The following ARVCF variants were observed in gnomAD, a reference collection of about 807,000 sequenced individuals.
ARVCF encodes ARVCF delta catenin family member.
Under a neutral mutation model 90.9 loss-of-function variants are expected in ARVCF, and 66 were observed. The observed-to-expected ratio is 0.73, with a 90% CI of 0.60 to 0.89. ARVCF has a LOEUF of 0.89. Ranked by LOEUF, ARVCF falls within the 40% of genes least tolerant of loss-of-function variation. The pLI, the probability that ARVCF is intolerant of heterozygous loss-of-function variation, is 0.00. For synonymous variants in ARVCF, 653 were observed against 603.4 expected (o/e 1.08, Z -1.21); for missense variants, 1,469 against 1,382.3 (o/e 1.06, Z -1.00).
downstream of ARVCF, chr22:19,969,096 A>C: frequency 4.2e-6 from 1 of 237,856 alleles, no homozygotes; most frequent in Non-Finnish European, 8.5e-6. Context: ...CCAAACATTC[A>C]AAGCTCCCCT....
intron 2 of ARVCF, among the ~76,000 whole-genome samples, chr22:19,995,749 C>T (rs746419753): frequency 3.9e-5 from 6 of 152,114 alleles, no homozygotes; most frequent in Non-Finnish European, 8.8e-5. Context: ...TGACCCCTTG[C>T]CAGCTGTCTA....
rs1486250639 is a variant in ARVCF at position 19,969,926 on chromosome 22, T to G, written c.*830A>C. The G allele has an allele frequency of 1.0e-6, 1 of 985,424 alleles. No individual in the cohort carries two copies. Among genetic ancestry groups the G allele is most frequent in the African/African-American group, 1.7e-5 (1 of 57,258 alleles). The allele number at this position is 985,424 out of a possible 1,614,324, so 61.0% of individuals were successfully genotyped here. ...TTGCTGCTTTAATTTTTAAATTTTC[T>G]TACAAAAATTTAGGTGTTTACCAAT... is the stretch of plus-strand genomic sequence containing the variant. On this transcript the variant is annotated 3_prime_UTR_variant, in exon 20 of 20. Transcript: ENST00000263207.
rs369808984 is a variant in ARVCF, at chr22:19,978,709, C to A, written c.1580+188G>T. Among the ~76,000 whole-genome samples, 7 of 152,210 alleles carry A rather than the reference C, an allele frequency of 4.6e-5. 2 individuals are homozygous for A. The highest frequency in any genetic ancestry group is 4.6e-4 in the Admixed American group (7 of 15,286). On this transcript the variant is annotated intron_variant, in intron 7 of 19. Transcript: ENST00000263207. The stretch of plus-strand genomic sequence containing the variant: ...CCTCCAGAGGGTGCCCCTGGGAAGA[C>A]TGGGACACCACTTGGGGGTGAGGAC...
At chr22:19,972,856 G>A (rs765499950) in intron 15 of ARVCF, 29 bp from the exon 16 acceptor site, 4 of 1,613,640 alleles carry the variant, frequency 2.5e-6, no homozygotes, top group East Asian at 4.5e-5. Context: ...ACACAGGGTG[G>A]GTGAAGCACA....
chr22:20,005,546 G>A (rs538584339), intron 2 of ARVCF, among the ~76,000 whole-genome samples: 23 of 152,292 alleles, frequency 1.5e-4, no homozygotes, highest in Admixed American at 2.6e-4. Context: ...GAGGCCAGGC[G>A]TGGTGGCTCA....
Position 19,981,301 on chromosome 22 carries a change from G to A in ARVCF, c.806C>T (p.Ala269Val). Residue 269 changes from alanine to valine, a missense_variant, in exon 5 of 20, where the codon GCC becomes GTC. Transcript: ENST00000263207. ...CTCAGGGCCACCCTCGTCATCAGCGGCCAGGCTGCGCGTGTCATCCTCCAA... is the reference window on the plus strand; with the variant it reads ...CTCAGGGCCACCCTCGTCATCAGCGACCAGGCTGCGCGTGTCATCCTCCAA... ...YGLEDDTRSLAADDEGGPELE... is the reference protein window; with the variant it reads ...YGLEDDTRSLVADDEGGPELE... The A allele has an allele frequency of 6.3e-7, 1 of 1,593,510 alleles. No homozygotes were observed. Among genetic ancestry groups the A allele is most frequent in the Non-Finnish European group, 8.5e-7 (1 of 1,171,598 alleles).
chr22:19,972,739 A>AG lies in ARVCF; in HGVS notation c.2638dup (p.Leu880ProfsTer2), dbSNP rs747611902. On this transcript the variant is annotated frameshift_variant, in exon 16 of 20. Transcript: ENST00000263207. LOFTEE classifies it high-confidence loss of function. Reference sequence around the variant, plus strand: ...GCTCCCTAAGCTCCACCACTCACCAAGGCTCTTGTCCACCAGTGGCAGCGT... The same window carrying AG: ...GCTCCCTAAGCTCCACCACTCACCAAGGGCTCTTGTCCACCAGTGGCAGCGT... 2.3e-5 allele frequency: 37 copies of AG among 1,609,266 alleles called. No homozygotes were observed. In the Admixed American group the frequency reaches 5.5e-4, roughly 24 times the overall value.
At chr22:19,978,199 G>C (rs982618736) in intron 7 of ARVCF, 124 bp from the exon 8 acceptor site, 6 of 798,158 alleles carry the variant, frequency 7.5e-6, no homozygotes, top group Non-Finnish European at 1.9e-6. Flanking sequence ...AGCACTAATG[G>C]GAAAGGACCC....
intron 2 of ARVCF, among the ~76,000 whole-genome samples, chr22:19,998,087 C>T (rs1364501133): frequency 6.6e-6 from 1 of 152,238 alleles, no homozygotes; most frequent in East Asian, 1.9e-4. Flanking sequence ...GCCACAGGGC[C>T]TGGGAGCCCT....
rs370161309 is a variant in ARVCF at position 19,979,113 on chromosome 22, C to G, written c.1397-33G>C. On this transcript the variant is annotated intron_variant, in intron 6 of 19. Transcript: ENST00000263207. ...GTGCGATTGGCCAATCTGTGCTGAC[C>G]ATATGCACCGCCTGCCTACCTCCCC... 35 of 1,590,324 alleles carry G rather than the reference C, an allele frequency of 2.2e-5. No homozygotes were observed. The African/African-American group carries it at 2.8e-4, about 13-fold the overall frequency.
In ARVCF at chr22:19,973,041, G is replaced by A. The variant is rs1435627864; in HGVS notation, c.2439-5C>T. 4.3e-6 allele frequency: 7 copies of A among 1,612,470 alleles called. No individual in the cohort carries two copies. Among genetic ancestry groups the A allele is most frequent in the African/African-American group, 1.3e-5 (1 of 75,024 alleles). Reference sequence around the variant, plus strand: ...TTCGCTTCGCGTACCGATTGGCTGTGGGGCCGGGGGCGGGGTCAGTGGTGG... The same window carrying A: ...TTCGCTTCGCGTACCGATTGGCTGTAGGGCCGGGGGCGGGGTCAGTGGTGG... On this transcript the variant is annotated splice_polypyrimidine_tract_variant and splice_region_variant and intron_variant, in intron 14 of 19. Transcript: ENST00000263207.
chr22:19,985,527 GAGA>G (rs1601619931), intron 3 of ARVCF, among the ~76,000 whole-genome samples: 7 of 152,392 alleles, frequency 4.6e-5, no homozygotes, highest in African/African-American at 2.4e-5. Context: ...ACAAGGAGGT[GAGA>G]AGGACAGAGG....
chr22:19,974,060 C>T lies in ARVCF; in HGVS notation c.2088+52G>A, dbSNP rs1473549335. 1.9e-6 allele frequency: 3 copies of T among 1,564,388 alleles called. No homozygotes were observed. In the African/African-American group the frequency reaches 4.0e-5, roughly 21 times the overall value. On this transcript the variant is annotated intron_variant, in intron 12 of 19. Transcript: ENST00000263207. Reference sequence around the variant, plus strand: ...GGCAGGAGCTGCACCAGTGAGGTGCCTGGGATTCCCTCTCTCAGGACTTGC... The same window carrying T: ...GGCAGGAGCTGCACCAGTGAGGTGCTTGGGATTCCCTCTCTCAGGACTTGC...
At chr22:19,999,728 CCT>C (rs1286651873) in intron 2 of ARVCF, among the ~76,000 whole-genome samples, 4 of 152,084 alleles carry the variant, frequency 2.6e-5, no homozygotes, top group African/African-American at 9.7e-5. Flanking sequence ...GGGCCGGGAC[CCT>C]GAGTGGGAGG....
At chr22:19,967,655 C>A (rs902282544), downstream of ARVCF, 9 of 295,696 alleles carry the variant, frequency 3.0e-5, no homozygotes, top group Admixed American at 2.9e-4. Flanking sequence ...TTTCAAGGCA[C>A]CTGCCTGCAA....
chr22:19,978,813 T>G, intron 7 of ARVCF, 84 bp downstream of exon 7: 1 of 1,482,932 alleles, frequency 6.7e-7, no homozygotes, highest in Non-Finnish European at 9.1e-7. Context: ...GCTCCTAAGC[T>G]CGCCGCCATC....
chr22:19,973,397 G>A lies in ARVCF; in HGVS notation c.2240-80C>T, dbSNP rs571153630. 1.6e-3 allele frequency: 2,418 copies of A among 1,474,066 alleles called. 3 individuals are homozygous for A. The highest frequency in any genetic ancestry group is 2.0e-3 in the Non-Finnish European group (2,159 of 1,106,538). 91.3% of individuals were successfully genotyped at this position (1,474,066 alleles called of 1,614,324 possible). On this transcript the variant is annotated intron_variant, in intron 13 of 19. Coordinates refer to ENST00000263207, the MANE Select transcript of ARVCF (RefSeq NM_001670.3). Reference sequence around the variant, plus strand: ...GAGCAGGGATCCCGCGAGGGCGAGGGGCACTGCCAGGAGAGCCCCTGGAGA... The same window carrying A: ...GAGCAGGGATCCCGCGAGGGCGAGGAGCACTGCCAGGAGAGCCCCTGGAGA...
chr22:20,014,476 T>C (rs1944951274), intron 1 of ARVCF, among the ~76,000 whole-genome samples: 3 of 152,234 alleles, frequency 2.0e-5, no homozygotes, highest in African/African-American at 4.8e-5. Flanking sequence ...ATTACAGGCA[T>C]GAGCCACTGC....
intron 2 of ARVCF, among the ~76,000 whole-genome samples, chr22:19,992,852 C>A (rs1184923446): frequency 6.6e-6 from 1 of 152,218 alleles, no homozygotes; most frequent in Non-Finnish European, 1.5e-5. Context: ...TAAGCCCCTC[C>A]AGCACACCCT....
Sources: allele counts gnomAD v4.1 joint callset (sites outside exome capture counted in the v4.1 genomes callset), GRCh38; gene constraint gnomAD v4.1.1; transcripts MANE v1.5; gene names NCBI Gene and HGNC (gene_info 2026-07-23, HGNC 2026-07-21).